Variants in CDH12 observed in about 807,000 individuals in gnomAD.
CDH12 encodes cadherin-12.
Under a neutral mutation model 74.1 loss-of-function variants are expected in CDH12, and 41 were observed. That is an observed-to-expected ratio of 0.55 (90% CI 0.43 to 0.72). CDH12 has a LOEUF of 0.72. CDH12 is among the 30% of genes least tolerant of loss of function. CDH12 has a pLI of 0.00. For missense variants in CDH12, 945 were observed against 977.2 expected, an observed-to-expected ratio of 0.97 and a Z score of 0.44; for synonymous variants, 399 against 355.0, an observed-to-expected ratio of 1.12 and a Z score of -1.39.
intron 2 of CDH12, among the ~76,000 whole-genome samples, chr5:22,453,094 G>A (rs1745118733): frequency 6.6e-6 from 1 of 151,866 alleles, no homozygotes; most frequent in South Asian, 2.1e-4. Context: ...ACAAATGCTG[G>A]CAAAGATGTG....
intron 3 of CDH12, among the ~76,000 whole-genome samples, chr5:22,218,926 C>T (rs1751916831): frequency 6.6e-6 from 1 of 151,638 alleles, no homozygotes; most frequent in African/African-American, 2.4e-5. Context: ...CTAACCGTTT[C>T]TTAAATTGTA....
chr5:22,803,942 G>A (rs775614865), intron 1 of CDH12, among the ~76,000 whole-genome samples: 4 of 151,594 alleles, frequency 2.6e-5, no homozygotes, highest in Admixed American at 1.3e-4. Flanking sequence ...ATGATTTTTA[G>A]AGCATTATTT....
At chr5:22,247,315 G>GC (rs1752981959) in intron 3 of CDH12, among the ~76,000 whole-genome samples, 1 of 4,234 alleles carries the variant, frequency 2.4e-4, no homozygotes, top group Non-Finnish European at 0.018. Flanking sequence ...CGTCAATGAA[G>GC]CCTAGTAAAG....
At chr5:22,790,873 A>G (rs528420252) in intron 1 of CDH12, among the ~76,000 whole-genome samples, 1 of 152,268 alleles carries the variant, frequency 6.6e-6, no homozygotes, top group South Asian at 2.1e-4. Context: ...GGCACAGAAC[A>G]GTCATTTATC....
intron 1 of CDH12, among the ~76,000 whole-genome samples, chr5:22,666,952 T>A (rs1017460888): frequency 2.0e-5 from 3 of 152,180 alleles, no homozygotes; most frequent in Non-Finnish European, 2.9e-5. Context: ...TGACTCTAAC[T>A]CCCTCTGAAC....
chr5:21,784,649 C>G (rs1031688905), intron 10 of CDH12, among the ~76,000 whole-genome samples: 3 of 152,154 alleles, frequency 2.0e-5, no homozygotes, highest in African/African-American at 7.2e-5. Context: ...AAAGAGAGAT[C>G]ATTTCAAACA....
intron 5 of CDH12, among the ~76,000 whole-genome samples, chr5:22,026,185 T>C (rs534114220): frequency 2.2e-4 from 33 of 152,200 alleles, no homozygotes; most frequent in Non-Finnish European, 4.1e-4. Context: ...CGCCAGGCAC[T>C]TAGTGAGGGA....
At position 22,041,231 on chromosome 5, in the gene CDH12, A is replaced by C. The variant is rs185887624; in HGVS notation, c.231+37215T>G. 5.1e-3 allele frequency among the ~76,000 whole-genome samples: 782 copies of C among 152,222 alleles called. 7 individuals carry two copies. Among genetic ancestry groups the C allele is most frequent in the African/African-American group, 0.018 (740 of 41,566 alleles). ...AAAGAATTAAAACTTACACTAAAGA[A>C]AATTACAAAAATAAACAAGAGCGGG... On this transcript the variant is annotated intron_variant, in intron 5 of 14. Coordinates refer to ENST00000382254, the MANE Select transcript of CDH12 (RefSeq NM_004061.5).
intron 3 of CDH12, among the ~76,000 whole-genome samples, chr5:22,375,156 G>A (rs558469484): frequency 1.3e-5 from 2 of 151,932 alleles, no homozygotes; most frequent in Admixed American, 6.6e-5. Flanking sequence ...AAGTATTTAC[G>A]TCCAACTGAT....
chr5:22,033,046 A>T (rs1738932438), intron 5 of CDH12, among the ~76,000 whole-genome samples: 1 of 151,686 alleles, frequency 6.6e-6, no homozygotes, highest in South Asian at 2.1e-4. Flanking sequence ...CAAAAAAAAA[A>T]AAAAAATGGG....
At chr5:22,586,279 A>AT (rs1740396663) in intron 1 of CDH12, among the ~76,000 whole-genome samples, 1 of 152,040 alleles carries the variant, frequency 6.6e-6, no homozygotes, top group Admixed American at 6.6e-5. Context: ...ACAGGTGGGA[A>AT]TTGAACAATG....
At position 22,362,867 on chromosome 5, in the gene CDH12, T is replaced by A. The variant is rs570416054; in HGVS notation, c.-333+42390A>T. 4.1e-4 allele frequency among the ~76,000 whole-genome samples: 56 copies of A among 136,448 alleles called. No individual in the cohort carries two copies. The East Asian group carries it at 0.012, about 29-fold the overall frequency. The allele number at this position is 136,448 out of a possible 152,430, so 89.5% of individuals were successfully genotyped here. A position where few individuals can be genotyped will look rare whatever the true frequency, so the allele number is the denominator to read the frequency against. On this transcript the variant is annotated intron_variant, in intron 3 of 14. Coordinates refer to ENST00000382254, the MANE Select transcript of CDH12 (RefSeq NM_004061.5). Reference sequence around the variant, plus strand: ...AACACCGCATGTTCTCACTCATAGGTGGGAACTGAACAATGAGAACACTTG... The same window carrying A: ...AACACCGCATGTTCTCACTCATAGGAGGGAACTGAACAATGAGAACACTTG...
Position 22,475,264 on chromosome 5 carries a change from T to C in CDH12, c.-428+30006A>G, listed in dbSNP as rs118040078. 1.3e-4 allele frequency among the ~76,000 whole-genome samples: 20 copies of C among 152,012 alleles called. No individual in the cohort carries two copies. In the East Asian group the frequency reaches 3.9e-3, roughly 29 times the overall value. ...GATTGTAAATGTCTTATTTATACTA[T>C]TGTGAATTACTTGAATTTTCTTCGG... On this transcript the variant is annotated intron_variant, in intron 2 of 14. Coordinates refer to ENST00000382254, the MANE Select transcript of CDH12 (RefSeq NM_004061.5).
intron 6 of CDH12, among the ~76,000 whole-genome samples, chr5:21,908,774 G>A (rs1170235196): frequency 6.6e-6 from 1 of 152,136 alleles, no homozygotes; most frequent in Non-Finnish European, 1.5e-5. Context: ...CCTCTCCTCT[G>A]TCACTGACAA....
chr5:22,605,532 C>G (rs902627043), intron 1 of CDH12, among the ~76,000 whole-genome samples: 1 of 152,200 alleles, frequency 6.6e-6, no homozygotes, highest in Non-Finnish European at 1.5e-5. Context: ...CTCATTCCCA[C>G]CTCCCACCTC....
intron 2 of CDH12, among the ~76,000 whole-genome samples, chr5:22,449,707 A>G (rs1172393177): frequency 6.6e-6 from 1 of 152,008 alleles, no homozygotes; most frequent in East Asian, 1.9e-4. Flanking sequence ...GAAATATCAG[A>G]ACGGTTAAAT....
At chr5:22,457,269 A>G (rs1374124276) in intron 2 of CDH12, among the ~76,000 whole-genome samples, 1 of 152,136 alleles carries the variant, frequency 6.6e-6, no homozygotes, top group East Asian at 1.9e-4. Context: ...GTATTGCCTC[A>G]CAGTTCTGGA....
intron 3 of CDH12, among the ~76,000 whole-genome samples, chr5:22,331,057 G>A (rs999459736): frequency 6.6e-6 from 1 of 152,138 alleles, no homozygotes; most frequent in Non-Finnish European, 1.5e-5. Context: ...CACAAGGAGA[G>A]GCTCCTCTGC....
chr5:22,406,382 A>G (rs1215181105), intron 2 of CDH12, among the ~76,000 whole-genome samples: 1 of 152,140 alleles, frequency 6.6e-6, no homozygotes, highest in Non-Finnish European at 1.5e-5. Context: ...CATTGACATG[A>G]TAATGCAGCC....
Sources: gnomAD v4.1 joint callset for allele counts (sites outside exome capture counted in the v4.1 genomes callset) on GRCh38, gnomAD v4.1.1 for gene constraint, MANE v1.5 for transcripts, NCBI Gene and HGNC (gene_info 2026-07-23, HGNC 2026-07-21) for gene names.